IMMP2L: variants seen among roughly 807,000 people sequenced by gnomAD.
IMMP2L encodes mitochondrial inner membrane protease subunit 2.
IMMP2L carries 18 observed loss-of-function variants against 19.3 expected under a neutral mutation model. The ratio of observed to expected loss-of-function variants is 0.93; its 90% confidence interval spans 0.64 to 1.38. The LOEUF is 1.38. Ranked by LOEUF, IMMP2L falls within the 40% of genes most tolerant of loss-of-function variation. The probability of loss-of-function intolerance (pLI) is 0.00; values close to 1 mark genes in which losing one functional copy is unlikely to be tolerated. For missense variants in IMMP2L, 233 were observed against 218.2 expected, an observed-to-expected ratio of 1.07 and a Z score of -0.43; for synonymous variants, 76 against 73.0, an observed-to-expected ratio of 1.04 and a Z score of -0.21.
intron 3 of IMMP2L, among the ~76,000 whole-genome samples, chr7:111,476,567 A>T (rs1445923747): frequency 6.6e-6 from 1 of 152,148 alleles, no homozygotes; most frequent in Admixed American, 6.6e-5. Context: ...AGATCTTTCA[A>T]GGCCAAAATC....
chr7:111,058,341 A>C (rs1372285545), intron 3 of IMMP2L, among the ~76,000 whole-genome samples: 1 of 152,228 alleles, frequency 6.6e-6, no homozygotes, highest in Non-Finnish European at 1.5e-5. Flanking sequence ...TGTGTATTTT[A>C]CACTCATTTC....
intron 3 of IMMP2L, among the ~76,000 whole-genome samples, chr7:111,443,799 T>C (rs1837998502): frequency 6.6e-6 from 1 of 152,148 alleles, no homozygotes; most frequent in African/African-American, 2.4e-5. Flanking sequence ...ACTTAGTGTA[T>C]TTTCAATTTT....
At chr7:110,888,258 A>G (rs1245749942) in intron 4 of IMMP2L, among the ~76,000 whole-genome samples, 1 of 152,206 alleles carries the variant, frequency 6.6e-6, no homozygotes, top group Non-Finnish European at 1.5e-5. Context: ...TTCAATTAAA[A>G]TCAGTCAATT....
At chr7:110,788,060 CT>C (rs1800204089) in intron 5 of IMMP2L, among the ~76,000 whole-genome samples, 1 of 151,900 alleles carries the variant, frequency 6.6e-6, no homozygotes, top group Admixed American at 6.6e-5. Flanking sequence ...CCACTTTCTA[CT>C]TTTTTTCCCC....
At chr7:110,956,579 T>C (rs143455405) in intron 4 of IMMP2L, among the ~76,000 whole-genome samples, 80 of 152,108 alleles carry the variant, frequency 5.3e-4, no homozygotes, top group African/African-American at 1.7e-3. Context: ...CAGTTTACAT[T>C]AACTCCCTCA....
intron 3 of IMMP2L, among the ~76,000 whole-genome samples, chr7:111,311,948 C>T (rs1823570076): frequency 1.3e-5 from 2 of 152,094 alleles, no homozygotes; most frequent in African/African-American, 2.4e-5. Context: ...GAAAGTAGCA[C>T]CTAATATCAC....
intron 3 of IMMP2L, among the ~76,000 whole-genome samples, chr7:111,112,074 A>G (rs1380633183): frequency 6.7e-6 from 1 of 149,762 alleles, no homozygotes; most frequent in Non-Finnish European, 1.5e-5. Flanking sequence ...CAGCCTCCCG[A>G]GTAGCTGGGT....
At chr7:111,003,191 T>A (rs768488604) in intron 3 of IMMP2L, among the ~76,000 whole-genome samples, 85 of 152,300 alleles carry the variant, frequency 5.6e-4, no homozygotes, top group African/African-American at 2.0e-3. Context: ...AAAACTGTTA[T>A]TACTAATAAT....
intron 5 of IMMP2L, among the ~76,000 whole-genome samples, chr7:110,773,114 C>T (rs1247414244): frequency 6.6e-6 from 1 of 152,032 alleles, no homozygotes; most frequent in Non-Finnish European, 1.5e-5. Flanking sequence ...TTCTGGTCAT[C>T]TTGGAGCAAC....
At chr7:111,205,760 A>G (rs1293809947) in intron 3 of IMMP2L, among the ~76,000 whole-genome samples, 1 of 152,106 alleles carries the variant, frequency 6.6e-6, no homozygotes, top group African/African-American at 2.4e-5. Context: ...GCTGCTCTAG[A>G]GCTGAGTCTA....
intron 4 of IMMP2L, among the ~76,000 whole-genome samples, chr7:110,926,436 G>T (rs1814858671): frequency 6.6e-6 from 1 of 151,980 alleles, no homozygotes; most frequent in Non-Finnish European, 1.5e-5. Flanking sequence ...ACCAAACTAG[G>T]TTTAAAAGCC....
chr7:111,228,624 G>A (rs1813363574), intron 3 of IMMP2L, among the ~76,000 whole-genome samples: 2 of 151,996 alleles, frequency 1.3e-5, no homozygotes, highest in South Asian at 2.1e-4. Flanking sequence ...TCCATTCCGA[G>A]AAACTGACCA....
chr7:110,684,422 C>T (rs1357448460), intron 5 of IMMP2L, among the ~76,000 whole-genome samples: 3 of 151,880 alleles, frequency 2.0e-5, no homozygotes, highest in Admixed American at 2.0e-4. Context: ...CTTGAGATTA[C>T]CCTCTGGTAT....
chr7:111,059,872 C>A (rs1793857969), intron 3 of IMMP2L, among the ~76,000 whole-genome samples: 1 of 150,876 alleles, frequency 6.6e-6, no homozygotes, highest in African/African-American at 2.4e-5. Context: ...ATAAATATAT[C>A]TTTGACTTTA....
intron 3 of IMMP2L, among the ~76,000 whole-genome samples, chr7:111,055,239 A>G (rs1471313430): frequency 2.0e-5 from 3 of 151,990 alleles, no homozygotes; most frequent in Admixed American, 2.0e-4. Context: ...GAGTCCCGCA[A>G]CGTTCACCAG....
chr7:111,436,468 T>A (rs1246702567), intron 3 of IMMP2L, among the ~76,000 whole-genome samples: 2 of 151,734 alleles, frequency 1.3e-5, no homozygotes, highest in African/African-American at 4.9e-5. Flanking sequence ...AATGTATTCT[T>A]AAGTAAGACA....
At chr7:110,959,912 C>T (rs1818756579) in intron 4 of IMMP2L, among the ~76,000 whole-genome samples, 1 of 151,952 alleles carries the variant, frequency 6.6e-6, no homozygotes, top group South Asian at 2.1e-4. Flanking sequence ...TTTACATGTG[C>T]TGAGGAAAGC....
rs1373091265 is a variant in IMMP2L, at chr7:111,391,908, T to C, written c.239+95330A>G. The C allele has an allele frequency of 4.3e-6, 3 of 702,902 alleles. No individual in the cohort carries two copies. The South Asian group carries it at 4.4e-5, about 10-fold the overall frequency. The allele number at this position is 702,902 out of a possible 1,614,324, so 43.5% of individuals were successfully genotyped here. A position where few individuals can be genotyped will look rare whatever the true frequency, so the allele number is the denominator to read the frequency against. ...TGTTCTAAAGGATGACATTGAGCAC[T>C]GCCCGCCTTGTCCTTGACCTCAGAT... is the stretch of plus-strand genomic sequence containing the variant. On this transcript the variant is annotated intron_variant, in intron 3 of 5. Coordinates refer to ENST00000405709, the MANE Select transcript of IMMP2L (RefSeq NM_032549.4).
At chr7:111,104,235 C>A (rs781319371) in intron 3 of IMMP2L, among the ~76,000 whole-genome samples, 2 of 151,638 alleles carry the variant, frequency 1.3e-5, no homozygotes, top group African/African-American at 2.4e-5. Context: ...TGATGAAACT[C>A]CAGGTAGGGG....
Sources: gnomAD v4.1 joint callset for allele counts (sites outside exome capture counted in the v4.1 genomes callset) on GRCh38, gnomAD v4.1.1 for gene constraint, MANE v1.5 for transcripts, NCBI Gene and HGNC (gene_info 2026-07-23, HGNC 2026-07-21) for gene names.